EXOSC9: variants seen among roughly 807,000 people sequenced by gnomAD.
EXOSC9 encodes the protein exosome component 9, also known as exosome complex component RRP45.
In EXOSC9, 38 loss-of-function variants were observed where a neutral mutation model predicts 56.5. The ratio of observed to expected loss-of-function variants is 0.67; its 90% CI spans 0.52 to 0.88. The LOEUF (loss-of-function observed/expected upper bound fraction) is 0.88, where lower values mean the gene tolerates loss of function less well. EXOSC9 is among the 40% of genes least tolerant of loss of function. EXOSC9 has a pLI of 0.00. For synonymous variants in EXOSC9, 170 were observed against 170.8 expected, an observed-to-expected ratio of 0.99 and a Z score of 0.04; for missense variants, 559 against 530.5, an observed-to-expected ratio of 1.05 and a Z score of -0.53.
chr4:121,806,309 C>T (rs1426312523), intron 5 of EXOSC9, among the ~76,000 whole-genome samples: 3 of 152,178 alleles, frequency 2.0e-5, no homozygotes, highest in East Asian at 1.9e-4. Context: ...TGTGCAACCA[C>T]GCCTGGCTAA....
intron 8 of EXOSC9, 24 bp downstream of exon 8, chr4:121,811,695 G>A (rs754956423): frequency 3.3e-6 from 4 of 1,195,734 alleles, no homozygotes; most frequent in East Asian, 4.9e-5. Flanking sequence ...CCAGAACTAA[G>A]TGGTCTTTTA....
At chr4:121,816,534 C>A in intron 11 of EXOSC9, 87 bp downstream of exon 11, 1 of 921,362 alleles carries the variant, frequency 1.1e-6, no homozygotes, top group Admixed American at 2.7e-5. Flanking sequence ...CATCTTGCCA[C>A]ATGACTATAA....
At chr4:121,813,769 C>A in intron 9 of EXOSC9, 97 bp from the exon 10 acceptor site, 1 of 894,532 alleles carries the variant, frequency 1.1e-6, no homozygotes, top group Non-Finnish European at 1.7e-6. Flanking sequence ...TTGGGGCACA[C>A]TTGAATCAAT....
chr4:121,814,534 C>CT (rs746974586), intron 10 of EXOSC9: 1 of 152,276 alleles, frequency 6.6e-6, no homozygotes, highest in Non-Finnish European at 1.5e-5. Context: ...ACAAAAAGCC[C>CT]ATCCCATATC....
chr4:121,801,865 C>T lies in EXOSC9; in HGVS notation c.105C>T (p.Ile35=), dbSNP rs144563945. 3.1e-6 allele frequency: 5 copies of T among 1,613,920 alleles called. No homozygotes were observed. In the African/African-American group the frequency reaches 6.7e-5, roughly 22 times the overall value. ...DGRQTYDYRN[I]RISFGTDYGC... is the part of the protein sequence containing the mutation. ...GACAAACCTATGATTATAGGAACAT[C>T]AGGATCTCATTTGGAACAGATTACG... Residue 35 remains isoleucine, a synonymous_variant, in exon 2 of 12, where the codon ATC becomes ATT. Transcript: ENST00000243498.
chr4:121,816,722 T>A (rs1466097549), intron 11 of EXOSC9, 50 bp from the exon 12 acceptor site: 1 of 1,508,832 alleles, frequency 6.6e-7, no homozygotes, highest in African/African-American at 1.4e-5. Flanking sequence ...ATTTCAATAA[T>A]CCAAAACTTA....
rs759871193 is a variant in EXOSC9 at position 121,813,233 on chromosome 4, G to A, written c.828-1G>A. The A allele has an allele frequency of 3.1e-6, 5 of 1,606,408 alleles. No homozygotes were observed. Among genetic ancestry groups the A allele is most frequent in the Non-Finnish European group, 4.3e-6 (5 of 1,175,746 alleles). Reference sequence around the variant, plus strand: ...CCCACCAAAAAAACCCCCACATACAGGAAAGAAGGTGGAAAGTTTGGTTTT... The same window carrying A: ...CCCACCAAAAAAACCCCCACATACAAGAAAGAAGGTGGAAAGTTTGGTTTT... On this transcript the variant is annotated splice_acceptor_variant, in intron 8 of 11. Coordinates refer to ENST00000243498, the MANE Select transcript of EXOSC9 (RefSeq NM_005033.3). LOFTEE classifies it high-confidence loss of function.
At chr4:121,807,514 T>A in intron 5 of EXOSC9, 26 bp from the exon 6 acceptor site, 1 of 1,419,592 alleles carries the variant, frequency 7.0e-7, no homozygotes, top group Non-Finnish European at 9.9e-7. Flanking sequence ...GTGACTATAA[T>A]TATTAAACAT....
chr4:121,812,716 C>T (rs1368401727), intron 8 of EXOSC9, among the ~76,000 whole-genome samples: 3 of 152,058 alleles, frequency 2.0e-5, no homozygotes, highest in Non-Finnish European at 4.4e-5. Context: ...GTCTCAAACT[C>T]CTGACCTCAG....
Position 121,814,020 on chromosome 4 carries a change from G to T in EXOSC9, c.1129G>T (p.Val377Leu). 6.2e-7 allele frequency: 1 copy of T among 1,613,474 alleles called. No homozygotes were observed. Reference protein sequence around the residue: ...ILDGIKMDTGVEVSDIGSQDA... With the variant: ...ILDGIKMDTGLEVSDIGSQDA... ...TGATGGTATAAAAATGGACACTGGA[G>T]TAGAAGTCTCTGATATTGGAAGCCA... Residue 377 changes from valine (V) to leucine (L), a missense_variant, in exon 10 of 12, where the codon GTA becomes TTA. Physicochemically the swap from Val to Leu is conservative, Grantham distance 32. Transcript: ENST00000243498.
At chr4:121,809,258 A>G (rs1727136402) in intron 6 of EXOSC9, among the ~76,000 whole-genome samples, 1 of 152,152 alleles carries the variant, frequency 6.6e-6, no homozygotes, top group Admixed American at 6.5e-5. Context: ...AAGTGCTGGG[A>G]TTACAAGCAT....
chr4:121,809,721 A>T, intron 6 of EXOSC9: 2 of 513,396 alleles, frequency 3.9e-6, no homozygotes, highest in South Asian at 2.3e-5. Flanking sequence ...ATATCATTTA[A>T]GTAAATCCAA....
chr4:121,802,850 G>A, intron 3 of EXOSC9, 57 bp downstream of exon 3: 1 of 1,612,150 alleles, frequency 6.2e-7, no homozygotes, highest in East Asian at 2.2e-5. Flanking sequence ...ACAGCAGTGA[G>A]CTTTTGTTTT....
At chr4:121,806,664 T>A (rs1727030626) in intron 5 of EXOSC9, among the ~76,000 whole-genome samples, 1 of 152,184 alleles carries the variant, frequency 6.6e-6, no homozygotes, top group Non-Finnish European at 1.5e-5. Context: ...AATAATGGAA[T>A]GCTGTTCAGT....
intron 8 of EXOSC9, 125 bp from the exon 9 acceptor site, chr4:121,813,105 AAACT>A (rs1330049734): frequency 3.6e-6 from 3 of 835,536 alleles, no homozygotes; most frequent in Non-Finnish European, 5.5e-6. Context: ...TAAGTTAGAT[AAACT>A]AACTCTCTTC....
chr4:121,813,713 A>T, intron 9 of EXOSC9, 153 bp from the exon 10 acceptor site: 1 of 548,684 alleles, frequency 1.8e-6, no homozygotes, highest in East Asian at 2.9e-5. Context: ...TTCATTGTTC[A>T]GCCATCCATA....
At chr4:121,810,141 C>G in intron 7 of EXOSC9, 42 bp downstream of exon 7, 1 of 1,571,754 alleles carries the variant, frequency 6.4e-7, no homozygotes, top group Non-Finnish European at 8.7e-7. Context: ...TAGGTTGCTT[C>G]TCTTTAGATG....
intron 6 of EXOSC9, 185 bp from the exon 7 acceptor site, chr4:121,809,782 T>C (rs1727154234): frequency 1.6e-6 from 1 of 609,572 alleles, no homozygotes; most frequent in East Asian, 2.8e-5. Flanking sequence ...CCACTTAGCA[T>C]TCATTTGTGT....
chr4:121,811,270 A>G (rs1346195462), intron 7 of EXOSC9, among the ~76,000 whole-genome samples: 3 of 152,350 alleles, frequency 2.0e-5, no homozygotes, highest in East Asian at 1.9e-4. Context: ...CAGCATCACA[A>G]GTACTACCCA....
Sources: allele counts gnomAD v4.1 joint callset (sites outside exome capture counted in the v4.1 genomes callset), GRCh38; gene constraint gnomAD v4.1.1; transcripts MANE v1.5; gene names NCBI Gene and HGNC (gene_info 2026-07-23, HGNC 2026-07-21).